The following PDZRN4 variants were observed in gnomAD, a reference collection of about 807,000 sequenced individuals.
PDZRN4 encodes the protein PDZ domain containing ring finger 4, also known as PDZ domain-containing RING finger protein 4.
PDZRN4 carries 70 observed loss-of-function variants against 99.0 expected under a neutral mutation model. The observed-to-expected ratio is 0.71, with a 90% CI of 0.58 to 0.86. The LOEUF is 0.86. PDZRN4 is among the 40% of genes least tolerant of loss of function. PDZRN4 has a pLI of 0.00. For synonymous variants in PDZRN4, 551 were observed against 501.6 expected (o/e 1.10, Z -1.32); for missense variants, 1,474 against 1,331.2 (o/e 1.11, Z -1.67).
intron 5 of PDZRN4, among the ~76,000 whole-genome samples, chr12:41,522,886 T>C (rs1261357782): frequency 6.6e-6 from 1 of 152,104 alleles, no homozygotes; most frequent in East Asian, 1.9e-4. Flanking sequence ...CTATATGAAA[T>C]AAATTCCCCT....
chr12:41,479,882 A>G (rs1010994652), intron 3 of PDZRN4, among the ~76,000 whole-genome samples: 3 of 152,222 alleles, frequency 2.0e-5, no homozygotes, highest in Admixed American at 6.5e-5. Flanking sequence ...TGACTGTTTC[A>G]TCTACTCTGA....
chr12:41,541,010 C>T (rs939890674), intron 5 of PDZRN4, among the ~76,000 whole-genome samples: 4 of 152,008 alleles, frequency 2.6e-5, no homozygotes, highest in East Asian at 1.9e-4. Context: ...CTGCAAGCTC[C>T]GCCTCCTGGG....
At chr12:41,419,569 A>ATT (rs1188691626) in intron 3 of PDZRN4, among the ~76,000 whole-genome samples, 7 of 152,314 alleles carry the variant, frequency 4.6e-5, no homozygotes, top group African/African-American at 1.7e-4. Context: ...AAGCAGATGC[A>ATT]TTGGCAGGAA....
At chr12:41,402,089 AAT>A (rs148105881) in intron 3 of PDZRN4, among the ~76,000 whole-genome samples, 4 of 70,350 alleles carry the variant, frequency 5.7e-5, no homozygotes, top group South Asian at 5.2e-4. Context: ...AAAAAAAAGA[AAT>A]ATATATATAT....
At chr12:41,562,563 T>A (rs907127371) in intron 7 of PDZRN4, among the ~76,000 whole-genome samples, 3 of 152,146 alleles carry the variant, frequency 2.0e-5, no homozygotes, top group Non-Finnish European at 4.4e-5. Flanking sequence ...TGATTACATA[T>A]AATTATAAAT....
chr12:41,429,429 A>T (rs2120433430), intron 3 of PDZRN4, among the ~76,000 whole-genome samples: 1 of 152,342 alleles, frequency 6.6e-6, no homozygotes, highest in Middle Eastern at 3.4e-3. Flanking sequence ...GCCATGCTTG[A>T]GGACACAACA....
intron 4 of PDZRN4, among the ~76,000 whole-genome samples, chr12:41,509,024 G>A (rs1938258587): frequency 6.6e-6 from 1 of 152,094 alleles, no homozygotes; most frequent in African/African-American, 2.4e-5. Flanking sequence ...ATGATGTGTA[G>A]TCTTTATATC....
chr12:41,553,466 T>A (rs558927100), intron 6 of PDZRN4, among the ~76,000 whole-genome samples: 6 of 151,970 alleles, frequency 3.9e-5, no homozygotes, highest in African/African-American at 1.4e-4. Context: ...CTATAAACCC[T>A]GCACTTTGAG....
chr12:41,358,898 G>A (rs541371816), intron 3 of PDZRN4, among the ~76,000 whole-genome samples: 1 of 151,752 alleles, frequency 6.6e-6, no homozygotes, highest in African/African-American at 2.4e-5. Context: ...TTTTTCTACT[G>A]GGTTCCATTA....
At chr12:41,538,887 C>G (rs908496907) in intron 5 of PDZRN4, among the ~76,000 whole-genome samples, 1 of 151,780 alleles carries the variant, frequency 6.6e-6, no homozygotes, top group Non-Finnish European at 1.5e-5. Context: ...ATATGTGTGA[C>G]AGTATATACA....
At chr12:41,285,769 C>T (rs896576783) in intron 3 of PDZRN4, among the ~76,000 whole-genome samples, 1 of 151,738 alleles carries the variant, frequency 6.6e-6, no homozygotes, top group Non-Finnish European at 1.5e-5. Context: ...CCAAACACCG[C>T]ATGTTCTCAC....
chr12:41,382,614 T>C (rs1565567731), intron 3 of PDZRN4, among the ~76,000 whole-genome samples: 1 of 152,238 alleles, frequency 6.6e-6, no homozygotes, highest in Non-Finnish European at 1.5e-5. Context: ...AAAGTTTACA[T>C]ATGTACTAAT....
chr12:41,573,261 C>T lies in PDZRN4; in HGVS notation c.2482C>T (p.Pro828Ser). 1 of 1,613,910 alleles carries T rather than the reference C, an allele frequency of 6.2e-7. No individual in the cohort carries two copies. Among genetic ancestry groups the T allele is most frequent in the South Asian group, 1.1e-5 (1 of 91,078 alleles). ...AGAGAAGGCAGTCAGCGAACACATCCCTTACCTCTCTCCTTACCACAGCTC... is the reference window on the plus strand; with the variant it reads ...AGAGAAGGCAGTCAGCGAACACATCTCTTACCTCTCTCCTTACCACAGCTC... ...DQEKAVSEHIPYLSPYHSSSY... is the reference protein window; with the variant it reads ...DQEKAVSEHISYLSPYHSSSY... The change falls in exon 10 of 10, where the codon CCT becomes TCT. Residue 828 changes from proline (P) to serine (S), a missense_variant. Pro to Ser is a moderately conservative substitution (Grantham distance 74, BLOSUM62 -1). Coordinates refer to ENST00000402685, the MANE Select transcript of PDZRN4 (RefSeq NM_001164595.2).
At chr12:41,520,619 GACACACAC>G (rs10580466) in intron 5 of PDZRN4, among the ~76,000 whole-genome samples, 1,410 of 137,354 alleles carry the variant, frequency 0.01, 25 homozygotes, top group African/African-American at 0.033. Context: ...CCTAAATACA[GACACACAC>G]ACACACACAC....
At chr12:41,308,644 T>C (rs1223892552) in intron 3 of PDZRN4, among the ~76,000 whole-genome samples, 1 of 152,190 alleles carries the variant, frequency 6.6e-6, no homozygotes, top group Non-Finnish European at 1.5e-5. Context: ...GTTTAGACAA[T>C]GGCAAATGTC....
intron 3 of PDZRN4, among the ~76,000 whole-genome samples, chr12:41,284,855 A>G (rs1405730163): frequency 1.3e-5 from 2 of 152,180 alleles, no homozygotes; most frequent in South Asian, 2.1e-4. Context: ...ACAAAAATTT[A>G]CTCAAGATGG....
chr12:41,348,214 G>A, intron 3 of PDZRN4, among the ~76,000 whole-genome samples: 1 of 152,056 alleles, frequency 6.6e-6, no homozygotes, highest in Non-Finnish European at 1.5e-5. Flanking sequence ...TAGGTTTCTG[G>A]AGTGTACAGC....
chr12:41,401,091 A>G (rs1488671074), intron 3 of PDZRN4, among the ~76,000 whole-genome samples: 2 of 152,232 alleles, frequency 1.3e-5, no homozygotes, highest in East Asian at 3.8e-4. Context: ...GGTATATAGC[A>G]AAAATCCACT....
intron 3 of PDZRN4, among the ~76,000 whole-genome samples, chr12:41,373,076 T>C (rs1397307896): frequency 6.6e-6 from 1 of 152,058 alleles, no homozygotes; most frequent in Non-Finnish European, 1.5e-5. Flanking sequence ...CAGCAAGTTT[T>C]TATTAGTGAT....
Sources: gnomAD v4.1 joint callset for allele counts (sites outside exome capture counted in the v4.1 genomes callset) on GRCh38, gnomAD v4.1.1 for gene constraint, MANE v1.5 for transcripts, NCBI Gene and HGNC (gene_info 2026-07-23, HGNC 2026-07-21) for gene names.